OSBPL1A: variants seen among roughly 807,000 people sequenced by gnomAD.
OSBPL1A encodes oxysterol-binding protein-related protein 1.
A neutral mutation model predicts 137.1 loss-of-function variants in OSBPL1A; 80 were observed. That is an observed-to-expected ratio of 0.58 (90% CI 0.49 to 0.70). The LOEUF (loss-of-function observed/expected upper bound fraction) is 0.70, where lower values mean the gene tolerates loss of function less well. OSBPL1A is among the 30% of genes least tolerant of loss of function. OSBPL1A has a pLI of 0.00. For missense variants in OSBPL1A, 970 were observed against 1,129.4 expected (o/e 0.86, Z 2.02); for synonymous variants, 365 against 389.7 (o/e 0.94, Z 0.75).
At chr18:24,265,703 A>G (rs902729292) in intron 15 of OSBPL1A, among the ~76,000 whole-genome samples, 2 of 152,180 alleles carry the variant, frequency 1.3e-5, no homozygotes, top group Non-Finnish European at 2.9e-5. Context: ...AGAGCATAGC[A>G]TGTAGCATGT....
At chr18:24,291,860 C>T (rs2090180244) in intron 14 of OSBPL1A, among the ~76,000 whole-genome samples, 1 of 150,702 alleles carries the variant, frequency 6.6e-6, no homozygotes, top group African/African-American at 2.4e-5. Context: ...CGAGACCAGC[C>T]TGGCCAATGT....
At chr18:24,177,536 T>C (rs111662307) in intron 21 of OSBPL1A, among the ~76,000 whole-genome samples, 5,494 of 152,290 alleles carry the variant, frequency 0.036, 339 homozygotes, top group African/African-American at 0.13. Flanking sequence ...GTTAAAGAGA[T>C]AGGGTATCGT....
At chr18:24,358,567 G>A (rs1027322607) in intron 4 of OSBPL1A, 15 of 700,740 alleles carry the variant, frequency 2.1e-5, no homozygotes, top group South Asian at 1.5e-4. Context: ...CAAATGAAAC[G>A]ATACGTGTCA....
At chr18:24,329,447 G>A (rs1203981501) in intron 7 of OSBPL1A, among the ~76,000 whole-genome samples, 1 of 151,776 alleles carries the variant, frequency 6.6e-6, no homozygotes, top group Non-Finnish European at 1.5e-5. Context: ...ATTCTCAGGA[G>A]GCTGAGGCAG....
intron 15 of OSBPL1A, among the ~76,000 whole-genome samples, chr18:24,269,609 T>C (rs1424405000): frequency 2.0e-5 from 3 of 152,098 alleles, no homozygotes; most frequent in African/African-American, 7.2e-5. Flanking sequence ...CAATGGACCA[T>C]TATAAAAATG....
intron 17 of OSBPL1A, among the ~76,000 whole-genome samples, chr18:24,210,967 T>G (rs974122246): frequency 3.9e-5 from 6 of 151,940 alleles, no homozygotes; most frequent in Non-Finnish European, 7.4e-5. Context: ...ACTTTTTTTT[T>G]TTGTTTGTTT....
chr18:24,309,818 G>T (rs557145297), intron 13 of OSBPL1A, among the ~76,000 whole-genome samples: 1 of 152,000 alleles, frequency 6.6e-6, no homozygotes, highest in Non-Finnish European at 1.5e-5. Flanking sequence ...AGGCGGAAGC[G>T]GGAGGATCAC....
At chr18:24,306,133 C>A (rs894792331) in intron 13 of OSBPL1A, among the ~76,000 whole-genome samples, 2 of 152,062 alleles carry the variant, frequency 1.3e-5, no homozygotes, top group African/African-American at 4.8e-5. Flanking sequence ...TTTAACTTTG[C>A]CCAAGTTATC....
At chr18:24,313,170 C>T (rs887709810) in intron 12 of OSBPL1A, among the ~76,000 whole-genome samples, 6 of 151,420 alleles carry the variant, frequency 4.0e-5, no homozygotes, top group Non-Finnish European at 4.4e-5. Context: ...GGGCCGGGCG[C>T]GGTGGCTCAT....
intron 15 of OSBPL1A, among the ~76,000 whole-genome samples, chr18:24,261,605 G>C (rs939111848): frequency 6.6e-6 from 1 of 152,128 alleles, no homozygotes; most frequent in Non-Finnish European, 1.5e-5. Flanking sequence ...GGCTGAGACG[G>C]GCAGATTACT....
At chr18:24,306,747 T>C (rs2090508323) in intron 13 of OSBPL1A, among the ~76,000 whole-genome samples, 1 of 152,188 alleles carries the variant, frequency 6.6e-6, no homozygotes, top group Admixed American at 6.5e-5. Flanking sequence ...ACACAGACAA[T>C]ACACATTTGT....
chr18:24,193,489 A>G (rs74716623), intron 18 of OSBPL1A, among the ~76,000 whole-genome samples: 2 of 142,342 alleles, frequency 1.4e-5, no homozygotes, highest in South Asian at 2.2e-4. Flanking sequence ...CTCCGACTCA[A>G]AAAAAAAAAA....
intron 15 of OSBPL1A, among the ~76,000 whole-genome samples, chr18:24,272,959 GT>G (rs1453311428): frequency 6.6e-6 from 1 of 152,192 alleles, no homozygotes; most frequent in Non-Finnish European, 1.5e-5. Context: ...AGGCTGGAGT[GT>G]AGTGGCACAA....
intron 15 of OSBPL1A, among the ~76,000 whole-genome samples, chr18:24,240,530 T>C (rs1249804163): frequency 6.6e-6 from 1 of 152,130 alleles, no homozygotes; most frequent in Non-Finnish European, 1.5e-5. Flanking sequence ...TCTTGCTGGA[T>C]TTCTGGAGCC....
At chr18:24,166,737 C>T (rs747706793) in intron 25 of OSBPL1A, 35 bp from the exon 26 acceptor site, 1 of 1,593,360 alleles carries the variant, frequency 6.3e-7, no homozygotes, top group Non-Finnish European at 8.5e-7. Flanking sequence ...TTAAAATATG[C>T]CAAGGCATAA....
At chr18:24,287,259 A>AC (rs1352704170) in intron 14 of OSBPL1A, among the ~76,000 whole-genome samples, 1 of 152,228 alleles carries the variant, frequency 6.6e-6, no homozygotes, top group Non-Finnish European at 1.5e-5. Context: ...ACCTTATGGT[A>AC]AGTCCTTATG....
At chr18:24,170,529 G>C in intron 23 of OSBPL1A, 76 bp from the exon 24 acceptor site, 2 of 1,572,086 alleles carry the variant, frequency 1.3e-6, no homozygotes. Flanking sequence ...GGTATTCCCA[G>C]GCGGTCTCCC....
chr18:24,332,385 CAAAAAAAAAAA>C (rs71163675), intron 7 of OSBPL1A, among the ~76,000 whole-genome samples: 7 of 53,080 alleles, frequency 1.3e-4, no homozygotes, highest in South Asian at 1.1e-3. Context: ...GACTCTGTCT[CAAAAAAAAAAA>C]AAAAAAAAAA....
intron 4 of OSBPL1A, among the ~76,000 whole-genome samples, chr18:24,351,354 A>AAAAAAAAAAAAAAAAAG (rs2091437266): frequency 6.7e-6 from 1 of 149,914 alleles, no homozygotes; most frequent in East Asian, 2.0e-4. Flanking sequence ...TCTCAAAAAA[A>AAAAAAAAAAAAAAAAAG]AAAAAAAAAA....
Sources: gnomAD v4.1 joint callset for allele counts (sites outside exome capture counted in the v4.1 genomes callset) on GRCh38, gnomAD v4.1.1 for gene constraint, MANE v1.5 for transcripts, NCBI Gene and HGNC (gene_info 2026-07-23, HGNC 2026-07-21) for gene names.